CFAP46: variants seen among roughly 807,000 people sequenced by gnomAD.
CFAP46 encodes cilia and flagella associated protein 46, also known as cilia- and flagella-associated protein 46.
CFAP46 carries 245 observed loss-of-function variants against 325.7 expected under a neutral mutation model. The observed-to-expected ratio is 0.75, with a 90% CI of 0.68 to 0.84. CFAP46 has a LOEUF of 0.84. Among genes scored for constraint, CFAP46 ranks in the 40% least tolerant of loss-of-function variants. CFAP46 has a pLI of 0.00. For synonymous variants in CFAP46, 1,523 were observed against 1,495.9 expected (o/e 1.02, Z -0.42); for missense variants, 3,346 against 3,543.0 (o/e 0.94, Z 1.41).
rs538882819 is a variant in CFAP46, at chr10:132,837,156, G to T, written c.6439-242C>A. The T allele has an allele frequency of 1.8e-4, 89 of 504,510 alleles. 1 individual carries two copies. Among genetic ancestry groups the T allele is most frequent in the African/African-American group, 1.6e-3 (83 of 51,040 alleles). 31.3% of individuals were successfully genotyped at this position (504,510 alleles called of 1,614,324 possible). A position where few individuals can be genotyped will look rare whatever the true frequency, so the allele number is the denominator to read the frequency against. ...CCCAAAATGTCATTTCTCTCCGGTT[G>T]TTAATGTTTAGAAACCTGATTTGCA... On this transcript the variant is annotated intron_variant, in intron 44 of 57. Transcript: ENST00000368586.
Position 132,857,628 on chromosome 10 carries a change from TCCCTTCTTCCTCAGCCATGGCG to T in CFAP46, c.5514_5535del (p.Ala1839GlyfsTer21). On this transcript the variant is annotated frameshift_variant, in exon 39 of 58. Coordinates refer to ENST00000368586, the MANE Select transcript of CFAP46 (RefSeq NM_001200049.3). LOFTEE classifies it high-confidence loss of function. The stretch of plus-strand genomic sequence containing the variant: ...AATAGGCCCTGGACGCTGTGAAGCC[TCCCTTCTTCCTCAGCCATGGCG>T]CCCTGGGCCAGGCCATATAAGCCCT... 6.2e-7 allele frequency: 1 copy of T among 1,613,158 alleles called. No individual in the cohort carries two copies. The highest frequency in any genetic ancestry group is 1.3e-5 in the African/African-American group (1 of 75,050).
chr10:132,817,947 C>T lies in CFAP46; in HGVS notation c.7118-3033G>A, dbSNP rs772018770. Among the ~76,000 whole-genome samples, 8 of 152,216 alleles carry T rather than the reference C, an allele frequency of 5.3e-5. No individual in the cohort carries two copies. The highest frequency in any genetic ancestry group is 2.1e-4 in the South Asian group (1 of 4,830). Reference sequence around the variant, plus strand: ...TCCTGGCCACGCCCTCCATCCTCACCGTCGGCAGCGCAGCCCCCAGGCTCC... The same window carrying T: ...TCCTGGCCACGCCCTCCATCCTCACTGTCGGCAGCGCAGCCCCCAGGCTCC... On this transcript the variant is annotated intron_variant, in intron 50 of 57. Coordinates refer to ENST00000368586, the MANE Select transcript of CFAP46 (RefSeq NM_001200049.3). This position sits in a 1 kb window ranked among gnomAD's most constrained non-coding sequence, Gnocchi z 4.4.
In CFAP46 at chr10:132,916,659, TG is replaced by T; in HGVS notation, c.2009del (p.Ser670Ter). On this transcript the variant is annotated frameshift_variant, in exon 17 of 58. Coordinates refer to ENST00000368586, the MANE Select transcript of CFAP46 (RefSeq NM_001200049.3). LOFTEE classifies it high-confidence loss of function. ...HAEATVHLLR[S>X]EGVELNDRAI... is the part of the protein sequence containing the mutation. ...CCCGGTCATTCAGCTCTACACCTTC[TG>T]ACCGCAGCAAATGAACCGTGGCCTG... The T allele has an allele frequency of 6.7e-7, 1 of 1,495,806 alleles. No homozygotes were observed. The highest frequency in any genetic ancestry group is 8.9e-7 in the Non-Finnish European group (1 of 1,118,262). The allele number at this position is 1,495,806 out of a possible 1,614,324, so 92.7% of individuals were successfully genotyped here.
In CFAP46 at chr10:132,940,976, G is replaced by A; in HGVS notation, c.371+20C>T. ...TCTTTCACCCAGTCAGTGAGAAACG[G>A]CCACTTCAATTTTGCCTACCTCGGT... On this transcript the variant is annotated intron_variant, in intron 4 of 57. Transcript: ENST00000368586. 1 of 1,612,984 alleles carries A rather than the reference G, an allele frequency of 6.2e-7. No homozygotes were observed. Among genetic ancestry groups the A allele is most frequent in the Non-Finnish European group, 8.5e-7 (1 of 1,178,972 alleles).
chr10:132,867,306 C>T, intron 34 of CFAP46, 69 bp downstream of exon 34: 1 of 1,517,940 alleles, frequency 6.6e-7, no homozygotes, highest in South Asian at 1.3e-5. Context: ...CAGCTGCAGC[C>T]CTGCATGGCC....
At chr10:132,938,530 C>G in intron 5 of CFAP46, 59 bp downstream of exon 5, 1 of 1,568,532 alleles carries the variant, frequency 6.4e-7, no homozygotes, top group Non-Finnish European at 8.7e-7. Context: ...GGGTGGTGGC[C>G]TCAGAGCCAG....
At chr10:132,846,738 G>A (rs1848443721) in intron 43 of CFAP46, among the ~76,000 whole-genome samples, 194 bp downstream of exon 43, 1 of 152,232 alleles carries the variant, frequency 6.6e-6, no homozygotes, top group African/African-American at 2.4e-5. Flanking sequence ...CAGGGGATCG[G>A]GGATAAGCAC....
At chr10:132,858,637 G>C (rs1189962235) in intron 38 of CFAP46, among the ~76,000 whole-genome samples, 1 of 152,132 alleles carries the variant, frequency 6.6e-6, no homozygotes, top group African/African-American at 2.4e-5. Flanking sequence ...ACCTCCTGAG[G>C]TCAGGGCCCT....
rs1850090967 is a variant in CFAP46, at chr10:132,941,063, A to G, written c.307-3T>C. 1.2e-6 allele frequency: 2 copies of G among 1,613,922 alleles called. No homozygotes were observed. Among genetic ancestry groups the G allele is most frequent in the Non-Finnish European group, 1.7e-6 (2 of 1,179,992 alleles). On this transcript the variant is annotated splice_region_variant and splice_polypyrimidine_tract_variant and intron_variant, in intron 3 of 57. Transcript: ENST00000368586. ...GTCACGCAATTTTCAAATTCCTCCT[A>G]AGGCAACATAAAGAAGCACAATTAG... is the stretch of plus-strand genomic sequence containing the variant.
At position 132,879,648 on chromosome 10, in the gene CFAP46, C is replaced by T. The variant is rs1849009652; in HGVS notation, c.3800-17G>A. The T allele has an allele frequency of 1.3e-6, 2 of 1,492,434 alleles. No homozygotes were observed. Among genetic ancestry groups the T allele is most frequent in the Non-Finnish European group, 1.8e-6 (2 of 1,119,592 alleles). The allele number at this position is 1,492,434 out of a possible 1,614,324, so 92.4% of individuals were successfully genotyped here. ...CGTACTCCCCTGAAACACGGGGTGC[C>T]CGAGGCTGAGAGCAGGCCCGGCTAC... On this transcript the variant is annotated splice_polypyrimidine_tract_variant and intron_variant, in intron 28 of 57. Transcript: ENST00000368586.
chr10:132,831,897 T>G (rs984314895), intron 50 of CFAP46, among the ~76,000 whole-genome samples: 1 of 151,040 alleles, frequency 6.6e-6, no homozygotes, highest in Non-Finnish European at 1.5e-5. Context: ...TGTGGGGTTT[T>G]TTGTTTGTTT....
Position 132,869,381 on chromosome 10 carries a change from AGT to A in CFAP46, c.4512-11_4512-10del, listed in dbSNP as rs1359735414. On this transcript the variant is annotated splice_polypyrimidine_tract_variant and intron_variant, in intron 32 of 57. Transcript: ENST00000368586. This position sits in a 1 kb window ranked among gnomAD's most constrained non-coding sequence, Gnocchi z 6.2. ...AGCACGCGTGGGCGAGGCTGTGGGGAGTGTGGCCGAAAGAGTCAGTGTTGCAC... is the reference window on the plus strand; with the variant it reads ...AGCACGCGTGGGCGAGGCTGTGGGGAGTGGCCGAAAGAGTCAGTGTTGCAC... 1.3e-6 allele frequency: 2 copies of A among 1,517,626 alleles called. No homozygotes were observed. The highest frequency in any genetic ancestry group is 1.8e-6 in the Non-Finnish European group (2 of 1,132,932). The allele number at this position is 1,517,626 out of a possible 1,614,324, so 94.0% of individuals were successfully genotyped here.
At chr10:132,837,841 G>A (rs1848288135) in intron 44 of CFAP46, among the ~76,000 whole-genome samples, 1 of 129,392 alleles carries the variant, frequency 7.7e-6, no homozygotes, top group Non-Finnish European at 1.6e-5. Context: ...AGACATGCAC[G>A]GACACACACG....
chr10:132,835,382 C>G lies in CFAP46; in HGVS notation c.6666G>C (p.Leu2222=), dbSNP rs765126580. The G allele has an allele frequency of 6.2e-7, 1 of 1,613,752 alleles. No homozygotes were observed. Among genetic ancestry groups the G allele is most frequent in the Non-Finnish European group, 8.5e-7 (1 of 1,179,966 alleles). Residue 2222 remains leucine (L), a synonymous_variant, in exon 47 of 58, where the codon CTG becomes CTC. Transcript: ENST00000368586. The stretch of plus-strand genomic sequence containing the variant: ...TCCGGAACTGCTGGGCACAGGCCAG[C>G]AGGTGGGAGAAGGCAGTGGGACTTA... ...LAISPTAFSH[L]LACAQQFRKQ...
intron 55 of CFAP46, among the ~76,000 whole-genome samples, chr10:132,812,386 G>C (rs117805375): frequency 1.3e-5 from 2 of 152,302 alleles, no homozygotes; most frequent in Middle Eastern, 3.4e-3. Context: ...GAGGTCCCGA[G>C]TGCCCACGAT....
chr10:132,870,663 C>T (rs1197520026), intron 32 of CFAP46, among the ~76,000 whole-genome samples: 2 of 152,198 alleles, frequency 1.3e-5, no homozygotes, highest in Non-Finnish European at 2.9e-5. Context: ...TCTCTTCAAT[C>T]CCATGAACGC....
chr10:132,887,202 CTT>C (rs1243101637), intron 25 of CFAP46, among the ~76,000 whole-genome samples: 6 of 93,832 alleles, frequency 6.4e-5, no homozygotes, highest in East Asian at 2.8e-4. Context: ...CCTCTCTCCT[CTT>C]CTTTCCTCTC....
intron 57 of CFAP46, among the ~76,000 whole-genome samples, chr10:132,810,061 C>A (rs923710756): frequency 1.3e-5 from 2 of 152,228 alleles, no homozygotes; most frequent in African/African-American, 4.8e-5. Flanking sequence ...CCTGGATTTC[C>A]CACTGGTTCC....
At position 132,846,993 on chromosome 10, in the gene CFAP46, A is replaced by G. The variant is rs1848448715; in HGVS notation, c.6206T>C (p.Met2069Thr). 1 of 1,611,134 alleles carries G rather than the reference A, an allele frequency of 6.2e-7. No individual in the cohort carries two copies. The highest frequency in any genetic ancestry group is 8.5e-7 in the Non-Finnish European group (1 of 1,179,782). The change falls in exon 43 of 58, where the codon ATG becomes ACG. Residue 2069 changes from methionine to threonine, a missense_variant. Physicochemically the swap from Met to Thr is moderately conservative, Grantham distance 81. Transcript: ENST00000368586. Reference protein sequence around the residue: ...LDVAAAASLEMVECVGTLDPA... With the variant: ...LDVAAAASLETVECVGTLDPA... Reference sequence around the variant, plus strand: ...GTCCAGGGTGCCGACACACTCCACCATCTCCAGGCTGGCGGCTGCTGCGAC... The same window carrying G: ...GTCCAGGGTGCCGACACACTCCACCGTCTCCAGGCTGGCGGCTGCTGCGAC...
Sources: allele counts gnomAD v4.1 joint callset (sites outside exome capture counted in the v4.1 genomes callset), GRCh38; gene constraint gnomAD v4.1.1; non-coding constraint Gnocchi (gnomAD v3.1); transcripts MANE v1.5; gene names NCBI Gene and HGNC (gene_info 2026-07-23, HGNC 2026-07-21).